Variants in SPATA13 observed in about 807,000 individuals in gnomAD.
SPATA13 encodes the protein spermatogenesis associated 13, also known as spermatogenesis-associated protein 13.
SPATA13 carries 50 observed loss-of-function variants against 104.0 expected under a neutral mutation model. The ratio of observed to expected loss-of-function variants is 0.48; its 90% CI spans 0.38 to 0.61. The LOEUF is 0.61. Among genes scored for constraint, SPATA13 ranks in the 20% least tolerant of loss-of-function variants. SPATA13 has a pLI of 0.00. For synonymous variants in SPATA13, 606 were observed against 667.5 expected, an observed-to-expected ratio of 0.91 and a Z score of 1.42; for missense variants, 1,524 against 1,690.6, an observed-to-expected ratio of 0.90 and a Z score of 1.73.
intron 2 of SPATA13, among the ~76,000 whole-genome samples, chr13:24,007,948 C>G (rs1876305603): frequency 6.6e-6 from 1 of 152,236 alleles, no homozygotes. Flanking sequence ...AGCTCTACCT[C>G]AAGCATAACC....
chr13:23,994,964 CA>C (rs901535278), intron 2 of SPATA13, among the ~76,000 whole-genome samples: 14 of 152,142 alleles, frequency 9.2e-5, no homozygotes, highest in African/African-American at 3.4e-4. Flanking sequence ...TTTTACCTCC[CA>C]GGGGACATCT....
chr13:24,256,466 T>A (rs768383398), intron 4 of SPATA13, among the ~76,000 whole-genome samples: 1 of 152,252 alleles, frequency 6.6e-6, no homozygotes, highest in Non-Finnish European at 1.5e-5. Flanking sequence ...GTACAATTAT[T>A]ATGTGAGTTT....
intron 11 of SPATA13, 131 bp downstream of exon 11, chr13:24,297,866 G>A: frequency 4.4e-6 from 5 of 1,137,406 alleles, no homozygotes; most frequent in Non-Finnish European, 4.8e-6. Flanking sequence ...AAAGGACAAG[G>A]GATCTGCAAA....
chr13:24,251,339 C>G, intron 3 of SPATA13: 1 of 450,400 alleles, frequency 2.2e-6, no homozygotes, highest in Non-Finnish European at 2.9e-6. Context: ...GTCCTGGCTT[C>G]CTCCAGAGGC....
At position 24,223,530 on chromosome 13, in the gene SPATA13, C is replaced by T. The variant is rs545041828; in HGVS notation, c.601C>T (p.Arg201Cys). The stretch of plus-strand genomic sequence containing the variant: ...CTTCCAGCGGAGCACACACCGCTCC[C>T]GCAGCCTCCGCAGAGCCTACGGCCT... ...DAFQRSTHRS[R>C]SLRRAYGLGR... Residue 201 changes from arginine (R) to cysteine (C), a missense_variant, in exon 2 of 13, where the codon CGC becomes TGC. By Grantham distance (180) the Arg-to-Cys change is radical (BLOSUM62 -3). Coordinates refer to ENST00000382108, the MANE Select transcript of SPATA13 (RefSeq NM_001166271.3). 1.0e-4 allele frequency: 162 copies of T among 1,548,648 alleles called. 1 individual carries two copies. In the East Asian group the frequency reaches 3.4e-3, roughly 32 times the overall value.
chr13:24,073,621 A>G (rs998572179), intron 3 of SPATA13, among the ~76,000 whole-genome samples: 25 of 152,230 alleles, frequency 1.6e-4, no homozygotes, highest in African/African-American at 5.8e-4. Context: ...TAAAGCTTTT[A>G]GGACTTAGTG....
At chr13:24,113,731 A>G (rs1291722173) in intron 3 of SPATA13, among the ~76,000 whole-genome samples, 4 of 150,664 alleles carry the variant, frequency 2.7e-5, no homozygotes, top group Non-Finnish European at 5.9e-5. Flanking sequence ...TTAGCTGGAC[A>G]TGGTGGTGCA....
intron 3 of SPATA13, among the ~76,000 whole-genome samples, chr13:24,080,594 G>A (rs560342553): frequency 2.0e-5 from 3 of 152,326 alleles, no homozygotes; most frequent in Admixed American, 6.5e-5. Context: ...TGGACAGGCC[G>A]CACACCACCT....
intron 3 of SPATA13, among the ~76,000 whole-genome samples, chr13:24,052,027 A>G (rs1246322176): frequency 6.6e-6 from 1 of 152,004 alleles, no homozygotes; most frequent in Non-Finnish European, 1.5e-5. Flanking sequence ...CTGAAGCCCT[A>G]CCAGCTGGTG....
At chr13:24,029,311 G>T (rs1877370571) in intron 3 of SPATA13, among the ~76,000 whole-genome samples, 1 of 152,118 alleles carries the variant, frequency 6.6e-6, no homozygotes, top group Non-Finnish European at 1.5e-5. Flanking sequence ...TTTACCAGAT[G>T]CGTCAGGACA....
Position 24,224,295 on chromosome 13 carries a change from G to T in SPATA13, c.1366G>T (p.Asp456Tyr). 6.4e-7 allele frequency: 1 copy of T among 1,551,702 alleles called. No individual in the cohort carries two copies. The stretch of plus-strand genomic sequence containing the variant: ...AAACGCTGGCAGCCAGTTGACATTT[G>T]ACCCTGAGCAGCCTCCCACCCCTCT... ...DPNAGSQLTFDPEQPPTPLRP... is the reference protein window; with the variant it reads ...DPNAGSQLTFYPEQPPTPLRP... Residue 456 changes from aspartate (D) to tyrosine (Y), a missense_variant, in exon 2 of 13, where the codon GAC becomes TAC. Asp to Tyr is a radical substitution (Grantham distance 160, BLOSUM62 -3). Transcript: ENST00000382108.
chr13:24,020,417 G>A (rs1327280875), intron 3 of SPATA13, among the ~76,000 whole-genome samples: 2 of 152,124 alleles, frequency 1.3e-5, no homozygotes, highest in East Asian at 3.8e-4. Flanking sequence ...TAATGCTTAA[G>A]TAGAATATAT....
chr13:23,982,567 A>AT (rs986257753), intron 1 of SPATA13, among the ~76,000 whole-genome samples: 16 of 151,664 alleles, frequency 1.1e-4, no homozygotes, highest in African/African-American at 2.2e-4. Context: ...TTATTTGCTG[A>AT]TTTTTTTTTC....
chr13:24,245,797 C>T (rs1297635563), intron 2 of SPATA13, among the ~76,000 whole-genome samples: 2 of 151,876 alleles, frequency 1.3e-5, no homozygotes, highest in Non-Finnish European at 2.9e-5. Flanking sequence ...CTGTGTTGCC[C>T]ACGCTGGTCT....
intron 4 of SPATA13, among the ~76,000 whole-genome samples, chr13:24,265,701 G>A (rs1874268425): frequency 6.6e-6 from 1 of 152,096 alleles, no homozygotes; most frequent in East Asian, 1.9e-4. Context: ...TAAAGCTGAT[G>A]GCCATGCTTT....
At chr13:24,154,006 A>T (rs930303261) in intron 3 of SPATA13, among the ~76,000 whole-genome samples, 2 of 152,200 alleles carry the variant, frequency 1.3e-5, no homozygotes, top group Non-Finnish European at 2.9e-5. Flanking sequence ...AACTATTGTT[A>T]TCCCTATTTT....
At chr13:24,131,520 G>A (rs763303668) in intron 3 of SPATA13, among the ~76,000 whole-genome samples, 1 of 152,158 alleles carries the variant, frequency 6.6e-6, no homozygotes, top group Non-Finnish European at 1.5e-5. Flanking sequence ...AGGATTTTGT[G>A]CTACTTCCAG....
At position 24,270,703 on chromosome 13, in the gene SPATA13, C is replaced by T. The variant is rs1376030616; in HGVS notation, c.2165-13432C>T. The T allele has an allele frequency of 4.0e-6, 6 of 1,493,654 alleles. No homozygotes were observed. In the African/African-American group the frequency reaches 8.3e-5, roughly 21 times the overall value. The allele number at this position is 1,493,654 out of a possible 1,614,324, so 92.5% of individuals were successfully genotyped here. A position where few individuals can be genotyped will look rare whatever the true frequency, so the allele number is the denominator to read the frequency against. On this transcript the variant is annotated intron_variant, in intron 4 of 12. Transcript: ENST00000382108. ...CCAGCTGTCAGTTTCTGGGCAGGCT[C>T]TGGCCGGGAACGCATACAACGTCAA...
At chr13:24,082,112 T>C (rs1879539979) in intron 3 of SPATA13, among the ~76,000 whole-genome samples, 1 of 152,232 alleles carries the variant, frequency 6.6e-6, no homozygotes. Flanking sequence ...TGCCACTTAC[T>C]GCAATCTACT....
Sources: allele counts gnomAD v4.1 joint callset (sites outside exome capture counted in the v4.1 genomes callset), GRCh38; gene constraint gnomAD v4.1.1; transcripts MANE v1.5; gene names NCBI Gene and HGNC (gene_info 2026-07-23, HGNC 2026-07-21).